Variants in KCNIP4 observed in about 807,000 individuals in gnomAD.
KCNIP4 encodes Kv channel-interacting protein 4.
A neutral mutation model predicts 34.0 loss-of-function variants in KCNIP4; 12 were observed. The ratio of observed to expected loss-of-function variants is 0.35; its 90% CI spans 0.23 to 0.57. The LOEUF (loss-of-function observed/expected upper bound fraction) is 0.57, where lower values mean the gene tolerates loss of function less well. KCNIP4 is among the 20% of genes least tolerant of loss of function. The pLI is 0.83. For missense variants in KCNIP4, 238 were observed against 311.7 expected, an observed-to-expected ratio of 0.76 and a Z score of 1.78; for synonymous variants, 124 against 102.2, an observed-to-expected ratio of 1.21 and a Z score of -1.29.
rs76728028 is a variant in KCNIP4, at chr4:21,138,346, A to G, written c.62-255637T>C. Among the ~76,000 whole-genome samples, 1,100 of 152,204 alleles carry G rather than the reference A, an allele frequency of 7.2e-3. 11 individuals carry two copies. Among genetic ancestry groups the G allele is most frequent in the African/African-American group, 0.024 (997 of 41,528 alleles). ...TATTGTACTTATACCTTGCTTGTCAAACTTTATATTCTTATATATTTTCAA... is the reference window on the plus strand; with the variant it reads ...TATTGTACTTATACCTTGCTTGTCAGACTTTATATTCTTATATATTTTCAA... On this transcript the variant is annotated intron_variant, in intron 1 of 8. Transcript: ENST00000382152.
chr4:21,908,511 A>G (rs1728121351), intron 1 of KCNIP4, among the ~76,000 whole-genome samples: 1 of 152,184 alleles, frequency 6.6e-6, no homozygotes, highest in Non-Finnish European at 1.5e-5. Flanking sequence ...TCAATCATAT[A>G]AAATGTGGGA....
chr4:21,871,523 T>C (rs1471478012), intron 1 of KCNIP4, among the ~76,000 whole-genome samples: 1 of 151,922 alleles, frequency 6.6e-6, no homozygotes, highest in Non-Finnish European at 1.5e-5. Flanking sequence ...ACCATCATTC[T>C]GAGCAAACTA....
At chr4:21,722,248 C>T (rs967490045) in intron 1 of KCNIP4, among the ~76,000 whole-genome samples, 7 of 152,100 alleles carry the variant, frequency 4.6e-5, no homozygotes, top group Non-Finnish European at 7.4e-5. Context: ...TGTCACAGCT[C>T]AACTGGGAAG....
At chr4:20,968,115 A>C (rs1734556528) in intron 1 of KCNIP4, among the ~76,000 whole-genome samples, 1 of 152,248 alleles carries the variant, frequency 6.6e-6, no homozygotes, top group Admixed American at 6.5e-5. Flanking sequence ...AAGTGGTCAA[A>C]GGATATGAAC....
chr4:20,930,692 A>C (rs550417651), intron 1 of KCNIP4, among the ~76,000 whole-genome samples: 63 of 152,192 alleles, frequency 4.1e-4, no homozygotes, highest in African/African-American at 1.4e-3. Flanking sequence ...GATTAAAAAC[A>C]GGCAAGGGAC....
chr4:21,596,537 T>C (rs115581153), intron 1 of KCNIP4, among the ~76,000 whole-genome samples: 3,214 of 152,170 alleles, frequency 0.021, 120 homozygotes, highest in African/African-American at 0.073. Context: ...GTGCACTGTT[T>C]TGAAACCCCC....
chr4:21,290,762 G>A (rs1578028293), intron 1 of KCNIP4, among the ~76,000 whole-genome samples: 2 of 152,258 alleles, frequency 1.3e-5, no homozygotes, highest in Admixed American at 1.3e-4. Flanking sequence ...ACCTAAAAGA[G>A]GCAGCCAGGA....
chr4:20,844,239 A>G (rs1469309400), intron 3 of KCNIP4, among the ~76,000 whole-genome samples: 1 of 152,174 alleles, frequency 6.6e-6, no homozygotes, highest in East Asian at 1.9e-4. Flanking sequence ...TGTTAACTGC[A>G]TAGGCTTATA....
intron 1 of KCNIP4, among the ~76,000 whole-genome samples, chr4:21,531,331 C>G (rs375254649): frequency 1.1e-5 from 1 of 94,108 alleles, no homozygotes; most frequent in Non-Finnish European, 2.1e-5. Flanking sequence ...CTTCCTCCCT[C>G]CCTCCCTTCC....
At chr4:21,810,153 T>G (rs1721539899) in intron 1 of KCNIP4, among the ~76,000 whole-genome samples, 1 of 152,198 alleles carries the variant, frequency 6.6e-6, no homozygotes, top group Non-Finnish European at 1.5e-5. Flanking sequence ...CTGCTGAGCC[T>G]GTTAGGAAAG....
intron 1 of KCNIP4, among the ~76,000 whole-genome samples, chr4:20,904,321 G>GTA (rs1375846370): frequency 2.1e-5 from 3 of 145,332 alleles, no homozygotes; most frequent in Non-Finnish European, 4.5e-5. Flanking sequence ...ATATATGTAT[G>GTA]TGTGTGTGTG....
intron 1 of KCNIP4, among the ~76,000 whole-genome samples, chr4:21,196,932 C>T (rs573165619): frequency 7.2e-5 from 11 of 152,284 alleles, no homozygotes; most frequent in African/African-American, 2.4e-4. Context: ...ATCTGTCTCC[C>T]TCATCCTTCT....
chr4:20,765,712 T>C (rs1184697028), intron 3 of KCNIP4, among the ~76,000 whole-genome samples: 1 of 152,214 alleles, frequency 6.6e-6, no homozygotes. Context: ...ACCATTGCAT[T>C]TCTTTCATTG....
At chr4:21,283,849 C>CA (rs539701652) in intron 1 of KCNIP4, among the ~76,000 whole-genome samples, 9 of 151,086 alleles carry the variant, frequency 6.0e-5, no homozygotes, top group East Asian at 1.9e-4. Context: ...GACACACACA[C>CA]AAAAAAAATA....
chr4:21,275,658 A>C (rs1762394450), intron 1 of KCNIP4, among the ~76,000 whole-genome samples: 1 of 152,230 alleles, frequency 6.6e-6, no homozygotes, highest in African/African-American at 2.4e-5. Context: ...AACAATAAAT[A>C]GTAGATGGCT....
At chr4:21,404,168 A>C (rs182633214) in intron 1 of KCNIP4, among the ~76,000 whole-genome samples, 3 of 152,232 alleles carry the variant, frequency 2.0e-5, no homozygotes, top group Admixed American at 2.0e-4. Context: ...TGCTTCTCCA[A>C]ATAACTCAGA....
At chr4:20,969,368 T>C (rs938942608) in intron 1 of KCNIP4, among the ~76,000 whole-genome samples, 2 of 152,196 alleles carry the variant, frequency 1.3e-5, no homozygotes, top group South Asian at 2.1e-4. Flanking sequence ...ACAAAGTTTC[T>C]TGGAATCACC....
chr4:21,288,358 A>G (rs1300819305), intron 1 of KCNIP4, among the ~76,000 whole-genome samples: 1 of 152,188 alleles, frequency 6.6e-6, no homozygotes, highest in Non-Finnish European at 1.5e-5. Context: ...AAAACGTAAT[A>G]AAAGGAAAAG....
chr4:21,604,304 C>A (rs922886727), intron 1 of KCNIP4, among the ~76,000 whole-genome samples: 1 of 152,058 alleles, frequency 6.6e-6, no homozygotes, highest in Non-Finnish European at 1.5e-5. Flanking sequence ...TCTAAATCAT[C>A]CTACGTGTTA....
Sources: allele counts gnomAD v4.1 joint callset (sites outside exome capture counted in the v4.1 genomes callset), GRCh38; gene constraint gnomAD v4.1.1; transcripts MANE v1.5; gene names NCBI Gene and HGNC (gene_info 2026-07-23, HGNC 2026-07-21).